The following ADAM2 variants were observed in gnomAD, a reference collection of about 807,000 sequenced individuals.
ADAM2 encodes disintegrin and metalloproteinase domain-containing protein 2.
ADAM2 carries 101 observed loss-of-function variants against 99.3 expected under a neutral mutation model. The ratio of observed to expected loss-of-function variants is 1.02; its 90% CI spans 0.87 to 1.20. The LOEUF (loss-of-function observed/expected upper bound fraction) is 1.20. ADAM2 is among the 50% of genes most tolerant of loss of function. The pLI is 0.00. For synonymous variants in ADAM2, 323 were observed against 287.6 expected, an observed-to-expected ratio of 1.12 and a Z score of -1.25; for missense variants, 948 against 878.7, an observed-to-expected ratio of 1.08 and a Z score of -1.00.
chr8:39,780,524 C>A (rs139919175), intron 10 of ADAM2, among the ~76,000 whole-genome samples: 74 of 152,206 alleles, frequency 4.9e-4, no homozygotes, highest in African/African-American at 1.7e-3. Context: ...GCACATTAAC[C>A]TCTGCCACCC....
chr8:39,808,390 GA>G (rs1804538551), intron 7 of ADAM2, among the ~76,000 whole-genome samples: 2 of 152,202 alleles, frequency 1.3e-5, no homozygotes, highest in South Asian at 4.1e-4. Flanking sequence ...CTCATATACT[GA>G]AAAACTACCA....
At chr8:39,833,462 C>T (rs1030038097) in intron 3 of ADAM2, among the ~76,000 whole-genome samples, 4 of 151,946 alleles carry the variant, frequency 2.6e-5, no homozygotes, top group African/African-American at 9.7e-5. Flanking sequence ...TGCTTGTTTT[C>T]CCCAAATTCA....
At chr8:39,756,753 G>T (rs1258354369) in intron 15 of ADAM2, among the ~76,000 whole-genome samples, 1 of 152,212 alleles carries the variant, frequency 6.6e-6, no homozygotes, top group Non-Finnish European at 1.5e-5. Context: ...CATCGAGGAA[G>T]GACTTGGAGT....
chr8:39,749,989 G>C (rs2129582834), intron 16 of ADAM2, among the ~76,000 whole-genome samples: 1 of 152,108 alleles, frequency 6.6e-6, no homozygotes, highest in South Asian at 2.1e-4. Flanking sequence ...CTTAGACTGG[G>C]ATAGCAGGGA....
At chr8:39,814,746 C>T (rs533067351) in intron 6 of ADAM2, among the ~76,000 whole-genome samples, 1 of 151,754 alleles carries the variant, frequency 6.6e-6, no homozygotes, top group East Asian at 1.9e-4. Context: ...CCAACATGTC[C>T]TGTATTGAAT....
At chr8:39,747,919 C>G (rs1823540287) in intron 18 of ADAM2, among the ~76,000 whole-genome samples, 3 of 152,288 alleles carry the variant, frequency 2.0e-5, no homozygotes, top group Admixed American at 6.5e-5. Context: ...CTTCCATGCA[C>G]TATCCAATTT....
Position 39,838,157 on chromosome 8 carries a change from C to T in ADAM2, c.29G>A (p.Gly10Glu). 1 of 1,614,128 alleles carries T rather than the reference C, an allele frequency of 6.2e-7. No homozygotes were observed. The highest frequency in any genetic ancestry group is 8.5e-7 in the Non-Finnish European group (1 of 1,180,030). MWRVLFLLS[G>E]LGGLRMDSNF... ...ACTGTCCATCCGCAGCCCGCCGAGC[C>T]CGCTGAGCAGAAACAAGACGCGCCA... The change falls in exon 1 of 21, where the codon GGG becomes GAG. Residue 10 changes from glycine (G) to glutamate (E), a missense_variant. By Grantham distance (98) the Gly-to-Glu change is moderately conservative (BLOSUM62 -2). Coordinates refer to ENST00000265708, the MANE Select transcript of ADAM2 (RefSeq NM_001464.5).
rs372398935 is a variant in ADAM2, at chr8:39,769,464, A to G, written c.1140T>C (p.Phe380=). Residue 380 remains phenylalanine, a synonymous_variant, in exon 12 of 21, where the codon TTT becomes TTC. Coordinates refer to ENST00000265708, the MANE Select transcript of ADAM2 (RefSeq NM_001464.5). The part of the protein sequence containing the change: ...CLHNQPRLDP[F]FKQQAVCGNA... ...TACCACACACTGCTTGCTGTTTGAA[A>G]AAAGGATCTAAGCGAGGCTGATTGT... 27 of 1,613,972 alleles carry G rather than the reference A, an allele frequency of 1.7e-5. No homozygotes were observed. Among genetic ancestry groups the G allele is most frequent in the Admixed American group, 3.3e-5 (2 of 60,000 alleles).
In ADAM2 at chr8:39,821,081, T is replaced by C. The variant is rs771953549; in HGVS notation, c.434A>G (p.His145Arg). Residue 145 changes from histidine to arginine, a missense_variant, in exon 6 of 21, where the codon CAT (histidine) becomes CGT (arginine). Transcript: ENST00000265708. ...GFEHVIYQVK[H>R]KKADVSLYNE... ...ATATAAGGAAACATCTGCTTTCTTATGTTTTACTTGGTAAATTACATGTTC... is the reference window on the plus strand; with the variant it reads ...ATATAAGGAAACATCTGCTTTCTTACGTTTTACTTGGTAAATTACATGTTC... The C allele has an allele frequency of 6.8e-6, 11 of 1,608,142 alleles. No individual in the cohort carries two copies. The East Asian group carries it at 1.8e-4, about 26-fold the overall frequency.
At chr8:39,806,283 A>G (rs912103654) in intron 7 of ADAM2, among the ~76,000 whole-genome samples, 1 of 152,024 alleles carries the variant, frequency 6.6e-6, no homozygotes, top group African/African-American at 2.4e-5. Flanking sequence ...ATGCAAAGAC[A>G]TCAGTGATGA....
intron 7 of ADAM2, among the ~76,000 whole-genome samples, chr8:39,795,716 A>G (rs1803909202): frequency 6.6e-6 from 1 of 152,190 alleles, no homozygotes; most frequent in Non-Finnish European, 1.5e-5. Flanking sequence ...TGTTAAGGGC[A>G]TGTTCTTAAC....
intron 7 of ADAM2, among the ~76,000 whole-genome samples, chr8:39,803,079 G>A (rs1033575433): frequency 6.6e-6 from 1 of 152,116 alleles, no homozygotes; most frequent in Non-Finnish European, 1.5e-5. Context: ...ACAAGATTGA[G>A]AGCAACAGAA....
intron 4 of ADAM2, 50 bp from the exon 5 acceptor site, chr8:39,821,712 T>C: frequency 2.3e-6 from 3 of 1,282,930 alleles, no homozygotes; most frequent in Non-Finnish European, 3.4e-6. Flanking sequence ...GTGTTACAGA[T>C]ACAATTTTCA....
rs1415214905 is a variant in ADAM2, at chr8:39,833,935, A to G, written c.188+9T>C. 1 of 1,420,058 alleles carries G rather than the reference A, an allele frequency of 7.0e-7. No homozygotes were observed. Among genetic ancestry groups the G allele is most frequent in the Non-Finnish European group, 9.9e-7 (1 of 1,008,486 alleles). 88.0% of individuals were successfully genotyped at this position (1,420,058 alleles called of 1,614,324 possible). The stretch of plus-strand genomic sequence containing the variant: ...AAAGAGAATTGATAAAATAATGATG[A>G]TTACCTACTTTTGCATTAAATTCAC... On this transcript the variant is annotated intron_variant, in intron 3 of 20. Transcript: ENST00000265708.
At chr8:39,764,149 T>C (rs1234182279) in intron 14 of ADAM2, among the ~76,000 whole-genome samples, 1 of 152,176 alleles carries the variant, frequency 6.6e-6, no homozygotes, top group Non-Finnish European at 1.5e-5. Flanking sequence ...CTCACTTCTT[T>C]AATTCCAGCA....
chr8:39,767,186 G>A lies in ADAM2; in HGVS notation c.1278C>T (p.Asn426=). 2 of 1,608,660 alleles carry A rather than the reference G, an allele frequency of 1.2e-6. No individual in the cohort carries two copies. Among genetic ancestry groups the A allele is most frequent in the South Asian group, 2.2e-5 (2 of 90,138 alleles). ...TTTCGCAGCATGGTCCTTCAGCACA[G>A]TTTGAACCGGCTTTAAATCTACATG... ...IATCRFKAGS[N]CAEGPCCENC... The change falls in exon 13 of 21, where the codon AAC becomes AAT. Residue 426 remains asparagine, a synonymous_variant. Coordinates refer to ENST00000265708, the MANE Select transcript of ADAM2 (RefSeq NM_001464.5).
At chr8:39,750,047 A>G (rs1349028542) in intron 16 of ADAM2, among the ~76,000 whole-genome samples, 1 of 152,134 alleles carries the variant, frequency 6.6e-6, no homozygotes, top group Non-Finnish European at 1.5e-5. Flanking sequence ...TAAATGCTGT[A>G]ATGAAAAAAT....
chr8:39,760,743 A>AT (rs1397545981), intron 15 of ADAM2, among the ~76,000 whole-genome samples: 1 of 151,616 alleles, frequency 6.6e-6, no homozygotes, highest in African/African-American at 2.4e-5. Context: ...AAAAAATAAA[A>AT]AAAAAACACA....
intron 7 of ADAM2, among the ~76,000 whole-genome samples, chr8:39,789,348 T>C (rs1195982826): frequency 6.6e-6 from 1 of 151,764 alleles, no homozygotes; most frequent in Non-Finnish European, 1.5e-5. Flanking sequence ...AACAGAGATA[T>C]TGAAGACTAT....
Sources: gnomAD v4.1 joint callset for allele counts (sites outside exome capture counted in the v4.1 genomes callset) on GRCh38, gnomAD v4.1.1 for gene constraint, MANE v1.5 for transcripts, NCBI Gene and HGNC (gene_info 2026-07-23, HGNC 2026-07-21) for gene names.